The following PPP6R3 variants were observed in gnomAD, a reference collection of about 807,000 sequenced individuals.
PPP6R3 encodes the protein serine/threonine-protein phosphatase 6 regulatory subunit 3.
Under a neutral mutation model 110.7 loss-of-function variants are expected in PPP6R3, and 38 were observed. The observed-to-expected ratio is 0.34, with a 90% CI of 0.26 to 0.45. The LOEUF is 0.45. PPP6R3 is among the 20% of genes least tolerant of loss of function. The pLI is 1.00. For missense variants in PPP6R3, 870 were observed against 1,062.4 expected, an observed-to-expected ratio of 0.82 and a Z score of 2.52; for synonymous variants, 369 against 373.5, an observed-to-expected ratio of 0.99 and a Z score of 0.14.
intron 15 of PPP6R3, 116 bp downstream of exon 15, chr11:68,583,245 T>C: frequency 1.3e-6 from 1 of 765,198 alleles, no homozygotes; most frequent in South Asian, 2.0e-5. Flanking sequence ...TGGGGTTACT[T>C]ATTAGTTAGA....
At chr11:68,530,899 T>TGAC (rs1022829418) in intron 2 of PPP6R3, among the ~76,000 whole-genome samples, 35 of 152,348 alleles carry the variant, frequency 2.3e-4, no homozygotes, top group East Asian at 5.8e-4. Flanking sequence ...TGAAATTCAT[T>TGAC]GACGATCTTG....
Position 68,614,690 on chromosome 11 carries a change from G to A in PPP6R3, c.*1573G>A, listed in dbSNP as rs890585721. 7.9e-6 allele frequency: 12 copies of A among 1,524,506 alleles called. No individual in the cohort carries two copies. Among genetic ancestry groups the A allele is most frequent in the African/African-American group, 1.4e-5 (1 of 71,210 alleles). The allele number at this position is 1,524,506 out of a possible 1,614,324, so 94.4% of individuals were successfully genotyped here. On this transcript the variant is annotated 3_prime_UTR_variant, in exon 24 of 24. Coordinates refer to ENST00000393800, the MANE Select transcript of PPP6R3 (RefSeq NM_001164161.2). Reference sequence around the variant, plus strand: ...GAGTCAGCAGTAAGCCCTGGGACAGGTGGCAAGGGTGGGTCCCTTGACCTT... The same window carrying A: ...GAGTCAGCAGTAAGCCCTGGGACAGATGGCAAGGGTGGGTCCCTTGACCTT...
Position 68,558,693 on chromosome 11 carries a change from A to C in PPP6R3, c.845+14A>C, listed in dbSNP as rs1012878172. The C allele has an allele frequency of 6.4e-7, 1 of 1,562,032 alleles. No homozygotes were observed. The highest frequency in any genetic ancestry group is 1.4e-5 in the African/African-American group (1 of 73,668). On this transcript the variant is annotated intron_variant, in intron 8 of 23. Transcript: ENST00000393800. ...ACGACGACCAACGTAAGCTTTTCTT[A>C]TATCTTACAAAATGAACCATGTTGT...
chr11:68,523,402 T>G (rs188971657), intron 2 of PPP6R3, among the ~76,000 whole-genome samples: 5 of 152,354 alleles, frequency 3.3e-5, no homozygotes, highest in African/African-American at 4.8e-5. Flanking sequence ...TGAAGAACAT[T>G]CTGCAGTAGC....
chr11:68,588,648 G>A (rs554289534), intron 16 of PPP6R3, among the ~76,000 whole-genome samples: 68 of 151,212 alleles, frequency 4.5e-4, no homozygotes, highest in African/African-American at 1.6e-3. Context: ...TAGTAGAGAC[G>A]GGATTTCACC....
In PPP6R3 at chr11:68,498,541, T is replaced by C. The variant is rs113311402; in HGVS notation, c.-157-20960T>C. On this transcript the variant is annotated intron_variant, in intron 1 of 23. Coordinates refer to ENST00000393800, the MANE Select transcript of PPP6R3 (RefSeq NM_001164161.2). The stretch of plus-strand genomic sequence containing the variant: ...CACCCTCTCTAGGGGCAGCCGGTAT[T>C]CTAACAGCTAACAGCACTGATTAGT... Among the ~76,000 whole-genome samples the C allele has an allele frequency of 3.5e-3, 528 of 152,342 alleles. 8 individuals carry two copies. The highest frequency in any genetic ancestry group is 0.012 in the African/African-American group (505 of 41,582).
chr11:68,512,494 T>G (rs1164046973), intron 1 of PPP6R3, among the ~76,000 whole-genome samples: 1 of 152,218 alleles, frequency 6.6e-6, no homozygotes, highest in Non-Finnish European at 1.5e-5. Flanking sequence ...GTTGAAGCCC[T>G]GAAAGCCAAT....
intron 1 of PPP6R3, among the ~76,000 whole-genome samples, chr11:68,476,589 G>A (rs1413507609): frequency 6.6e-6 from 1 of 151,944 alleles, no homozygotes. Flanking sequence ...TTCCTTTTAA[G>A]CACCACTTTA....
chr11:68,522,552 G>A (rs2099169140), intron 2 of PPP6R3: 1 of 152,190 alleles, frequency 6.6e-6, no homozygotes, highest in Non-Finnish European at 1.5e-5. Context: ...ACCACATCAA[G>A]CTGCTGTGGG....
chr11:68,566,792 T>C (rs2099473855), intron 9 of PPP6R3, among the ~76,000 whole-genome samples: 1 of 152,230 alleles, frequency 6.6e-6, no homozygotes, highest in Non-Finnish European at 1.5e-5. Context: ...TGATTTCTTA[T>C]AAAATTTATG....
At chr11:68,486,449 C>CA (rs1326026144) in intron 1 of PPP6R3, among the ~76,000 whole-genome samples, 1 of 151,732 alleles carries the variant, frequency 6.6e-6, no homozygotes, top group Non-Finnish European at 1.5e-5. Context: ...CTTAAAAATA[C>CA]AAAAAATTAG....
At chr11:68,539,354 A>G (rs949570912) in intron 3 of PPP6R3, among the ~76,000 whole-genome samples, 2 of 152,180 alleles carry the variant, frequency 1.3e-5, no homozygotes, top group Non-Finnish European at 2.9e-5. Context: ...CATGCCTTCT[A>G]TGAAGGGCTT....
chr11:68,463,972 A>G (rs1177169010), intron 1 of PPP6R3, among the ~76,000 whole-genome samples: 2 of 152,208 alleles, frequency 1.3e-5, no homozygotes. Flanking sequence ...CCCGCCAGCA[A>G]AAGTATCCAG....
chr11:68,596,911 T>G (rs2099615420), intron 19 of PPP6R3, among the ~76,000 whole-genome samples: 1 of 152,178 alleles, frequency 6.6e-6, no homozygotes, highest in Admixed American at 6.5e-5. Context: ...AGGGTGGACC[T>G]TGTGGTGACT....
At chr11:68,525,909 AC>A (rs2099194757) in intron 2 of PPP6R3, among the ~76,000 whole-genome samples, 1 of 152,216 alleles carries the variant, frequency 6.6e-6, no homozygotes. Flanking sequence ...TTCACTTAAT[AC>A]AAACCACACT....
At chr11:68,526,253 A>AT (rs956543918) in intron 2 of PPP6R3, among the ~76,000 whole-genome samples, 1,618 of 142,708 alleles carry the variant, frequency 0.011, 13 homozygotes, top group African/African-American at 0.013. Context: ...TTTGACTTAC[A>AT]TTTTTTTTTT....
At chr11:68,531,230 A>G (rs924010434) in intron 2 of PPP6R3, among the ~76,000 whole-genome samples, 1 of 152,146 alleles carries the variant, frequency 6.6e-6, no homozygotes, top group Non-Finnish European at 1.5e-5. Flanking sequence ...AAAATCAGGC[A>G]TCAGCAGCAT....
intron 22 of PPP6R3, chr11:68,609,388 C>A: frequency 1.4e-6 from 1 of 692,910 alleles, no homozygotes. Flanking sequence ...AGCCAGCAAG[C>A]TGATGGGGTC....
chr11:68,472,361 A>AAT (rs778041494), intron 1 of PPP6R3, among the ~76,000 whole-genome samples: 11 of 152,056 alleles, frequency 7.2e-5, no homozygotes, highest in Non-Finnish European at 1.3e-4. Context: ...GCCATTGGAG[A>AAT]ATATAAGTGT....
Sources: allele counts gnomAD v4.1 joint callset (sites outside exome capture counted in the v4.1 genomes callset), GRCh38; gene constraint gnomAD v4.1.1; transcripts MANE v1.5; gene names NCBI Gene and HGNC (gene_info 2026-07-23, HGNC 2026-07-21).